SHANK2: variants seen among roughly 807,000 people sequenced by gnomAD.
SHANK2 encodes SH3 and multiple ankyrin repeat domains protein 2.
A neutral mutation model predicts 133.7 loss-of-function variants in SHANK2; 43 were observed. The ratio of observed to expected loss-of-function variants is 0.32; its 90% CI spans 0.25 to 0.41. The LOEUF is 0.41. Among genes scored for constraint, SHANK2 ranks in the 10% least tolerant of loss-of-function variants. SHANK2 has a pLI of 1.00. For missense variants in SHANK2, 1,994 were observed against 2,235.8 expected (o/e 0.89, Z 2.18); for synonymous variants, 1,017 against 952.8 (o/e 1.07, Z -1.24).
intron 17 of SHANK2, among the ~76,000 whole-genome samples, chr11:70,641,325 C>G (rs1227960307): frequency 6.6e-6 from 1 of 152,078 alleles, no homozygotes; most frequent in African/African-American, 2.4e-5. Flanking sequence ...GATCTCCTGA[C>G]CTTGTGATCT....
rs572480937 is a variant in SHANK2 at position 70,816,625 on chromosome 11, C to A, written c.1493+3739G>T. On this transcript the variant is annotated intron_variant, in intron 12 of 25. Transcript: ENST00000601538. ...GGAATAGTAAGGCAGGCGCACAAGG[C>A]ATGGGGCTGAGCTTTGAGCTTCGAG... 9.8e-5 allele frequency among the ~76,000 whole-genome samples: 15 copies of A among 152,292 alleles called. 1 individual carries two copies. The highest frequency in any genetic ancestry group is 3.4e-3 in the Middle Eastern group (1 of 294).
At chr11:70,721,404 G>C (rs1173081116) in intron 14 of SHANK2, among the ~76,000 whole-genome samples, 1 of 152,250 alleles carries the variant, frequency 6.6e-6, no homozygotes, top group Non-Finnish European at 1.5e-5. Context: ...AGGGGTCAGA[G>C]ATGCCAACAT....
chr11:70,600,418 C>CAAAAAAAAAAAAAAAAAAGAAAAA (rs2060477435), intron 17 of SHANK2, among the ~76,000 whole-genome samples: 2 of 95,466 alleles, frequency 2.1e-5, no homozygotes, highest in East Asian at 3.0e-4. Context: ...GACTCTGTCT[C>CAAAAAAAAAAAAAAAAAAGAAAAA]AAAAAAAAAA....
chr11:70,544,135 C>A (rs1469574564), intron 17 of SHANK2, among the ~76,000 whole-genome samples: 2 of 152,166 alleles, frequency 1.3e-5, no homozygotes, highest in Non-Finnish European at 1.5e-5. Flanking sequence ...GAAAACCCAA[C>A]CCTGACCTCC....
At chr11:70,489,576 G>C in intron 23 of SHANK2, 3 of 585,082 alleles carry the variant, frequency 5.1e-6, no homozygotes, top group Non-Finnish European at 9.2e-6. Flanking sequence ...GTGCCCCTGG[G>C]GTGGGCTGGG....
At chr11:70,716,895 G>GCC (rs60827522) in intron 14 of SHANK2, among the ~76,000 whole-genome samples, 2,260 of 137,838 alleles carry the variant, frequency 0.016, 54 homozygotes, top group African/African-American at 0.063. Context: ...GGGTCCCGGA[G>GCC]CCCCCCCCCC....
intron 2 of SHANK2, among the ~76,000 whole-genome samples, chr11:71,178,137 A>G (rs4442575): frequency 0.49 from 75,249 of 152,114 alleles, 19,051 homozygotes; most frequent in South Asian, 0.65. Flanking sequence ...GAATGTTCAC[A>G]GCAACAGTAT....
In SHANK2 at chr11:71,092,470, G is replaced by A. The variant is rs1380326463; in HGVS notation, c.864C>T (p.His288=). The change falls in exon 8 of 26, where the codon CAC becomes CAT. Residue 288 remains histidine (H), a synonymous_variant. Transcript: ENST00000601538. ...PYCCELLLHE[H]ATVCCKDENG... ...TCTCATCTTTGCAGCACACAGTGGCGTGTTCGTGCAGGAGAAGCTCGCAGC... is the reference window on the plus strand; with the variant it reads ...TCTCATCTTTGCAGCACACAGTGGCATGTTCGTGCAGGAGAAGCTCGCAGC... The A allele has an allele frequency of 8.4e-6, 13 of 1,551,628 alleles. No homozygotes were observed. The highest frequency in any genetic ancestry group is 3.3e-4 in the Middle Eastern group (2 of 5,992).
chr11:70,849,035 G>A (rs1949043333), intron 11 of SHANK2, among the ~76,000 whole-genome samples: 1 of 152,170 alleles, frequency 6.6e-6, no homozygotes, highest in Admixed American at 6.5e-5. Context: ...GATGCTGGCT[G>A]CAGGGCCACT....
chr11:70,542,942 G>GC (rs1565114592), intron 17 of SHANK2, among the ~76,000 whole-genome samples: 5 of 152,184 alleles, frequency 3.3e-5, no homozygotes, highest in East Asian at 3.9e-4. Flanking sequence ...GCAGGAAGGG[G>GC]GCCCCCCCGG....
At chr11:71,059,933 C>T (rs886582357) in intron 9 of SHANK2, among the ~76,000 whole-genome samples, 1 of 152,254 alleles carries the variant, frequency 6.6e-6, no homozygotes, top group South Asian at 2.1e-4. Flanking sequence ...GCCACAGATG[C>T]CAATGAGTCA....
chr11:70,532,354 C>T (rs1450898163), intron 17 of SHANK2, among the ~76,000 whole-genome samples: 7 of 152,132 alleles, frequency 4.6e-5, no homozygotes, highest in African/African-American at 1.7e-4. Flanking sequence ...TGTGCTCTGC[C>T]CCCCATGCTG....
chr11:70,582,405 C>T (rs145129260), intron 17 of SHANK2, among the ~76,000 whole-genome samples: 294 of 152,380 alleles, frequency 1.9e-3, no homozygotes, highest in Admixed American at 2.9e-3. Context: ...GGTTGAGATG[C>T]TCTCTGCTAG....
intron 4 of SHANK2, among the ~76,000 whole-genome samples, chr11:71,117,804 T>G (rs1952006950): frequency 6.6e-6 from 1 of 152,184 alleles, no homozygotes; most frequent in Non-Finnish European, 1.5e-5. Context: ...TTGTACACTT[T>G]GTAATAAGCC....
intron 11 of SHANK2, among the ~76,000 whole-genome samples, chr11:70,894,047 G>A (rs1232098743): frequency 1.3e-5 from 2 of 152,178 alleles, no homozygotes; most frequent in Non-Finnish European, 2.9e-5. Flanking sequence ...CTCTCTGTTC[G>A]TAAAGAGTTG....
chr11:70,589,321 T>C (rs10793165), intron 17 of SHANK2, among the ~76,000 whole-genome samples: 118,125 of 152,206 alleles, frequency 0.78, 46,060 homozygotes, highest in East Asian at 0.93. Context: ...CCTACTCTGC[T>C]TGTGCTCTAT....
intron 14 of SHANK2, among the ~76,000 whole-genome samples, chr11:70,752,675 C>T (rs1238901519): frequency 7.7e-6 from 1 of 130,544 alleles, no homozygotes; most frequent in African/African-American, 3.0e-5. Flanking sequence ...CACTGCACTC[C>T]AGCCTGGGTG....
At chr11:70,662,661 C>T (rs1944590061) in intron 15 of SHANK2, among the ~76,000 whole-genome samples, 2 of 152,098 alleles carry the variant, frequency 1.3e-5, no homozygotes, top group South Asian at 4.1e-4. Flanking sequence ...AAAGCTAAAG[C>T]CACAACTGCT....
intron 17 of SHANK2, among the ~76,000 whole-genome samples, chr11:70,531,498 C>T (rs782732400): frequency 1.2e-4 from 19 of 152,190 alleles, no homozygotes; most frequent in African/African-American, 2.4e-4. Context: ...TCCCAGGTCA[C>T]GGTTGAGGGT....
Sources: allele counts gnomAD v4.1 joint callset (sites outside exome capture counted in the v4.1 genomes callset), GRCh38; gene constraint gnomAD v4.1.1; transcripts MANE v1.5; gene names NCBI Gene and HGNC (gene_info 2026-07-23, HGNC 2026-07-21).